TRIO: variants seen among roughly 807,000 people sequenced by gnomAD.
TRIO encodes trio Rho guanine nucleotide exchange factor.
In TRIO, 58 loss-of-function variants were observed where a neutral mutation model predicts 351.9. The observed-to-expected ratio is 0.16, with a 90% CI of 0.13 to 0.21. The LOEUF (loss-of-function observed/expected upper bound fraction) is 0.21, where lower values mean the gene tolerates loss of function less well. TRIO is among the 10% of genes least tolerant of loss of function. The pLI is 1.00. For synonymous variants in TRIO, 1,758 were observed against 1,595.7 expected (o/e 1.10, Z -2.42); for missense variants, 3,201 against 4,027.8 (o/e 0.79, Z 5.56).
At chr5:14,393,913 T>C (rs1747330371) in intron 27 of TRIO, 125 bp from the exon 28 acceptor site, 1 of 531,530 alleles carries the variant, frequency 1.9e-6, no homozygotes, top group African/African-American at 1.9e-5. Context: ...AAAAGGAAAC[T>C]TTATTATTTC....
At chr5:14,344,957 TC>T (rs1742281027) in intron 11 of TRIO, among the ~76,000 whole-genome samples, 1 of 152,142 alleles carries the variant, frequency 6.6e-6, no homozygotes, top group Non-Finnish European at 1.5e-5. Context: ...AGATCTTAGA[TC>T]CCAGCTAAAG....
chr5:14,332,210 A>G (rs962082847), intron 10 of TRIO, among the ~76,000 whole-genome samples: 1 of 152,200 alleles, frequency 6.6e-6, no homozygotes, highest in Non-Finnish European at 1.5e-5. Flanking sequence ...TCAGAGATGT[A>G]ACCTGTCACA....
At chr5:14,440,576 G>T (rs1050789945) in intron 34 of TRIO, among the ~76,000 whole-genome samples, 8 of 152,240 alleles carry the variant, frequency 5.3e-5, no homozygotes, top group Non-Finnish European at 1.2e-4. Context: ...TCGCATGCAA[G>T]AATTTACATT....
intron 36 of TRIO, 50 bp from the exon 37 acceptor site, chr5:14,465,495 C>A (rs1754184857): frequency 6.3e-7 from 1 of 1,577,482 alleles, no homozygotes; most frequent in East Asian, 2.2e-5. Flanking sequence ...TGACCAGTTA[C>A]TAATGTGAGC....
chr5:14,391,089 T>C (rs1747043785), intron 27 of TRIO, 99 bp downstream of exon 27: 1 of 859,022 alleles, frequency 1.2e-6, no homozygotes, highest in Non-Finnish European at 1.7e-6. Context: ...TACAATGTTT[T>C]CATTTTTGTC....
At chr5:14,476,809 AAAG>A in intron 40 of TRIO, 82 bp from the exon 41 acceptor site, 2 of 1,026,928 alleles carry the variant, frequency 1.9e-6, no homozygotes, top group Non-Finnish European at 2.7e-6. Flanking sequence ...AAAAAGAAAA[AAAG>A]AAAAAGAAAA....
At chr5:14,477,698 A>T (rs1755187756) in intron 41 of TRIO, among the ~76,000 whole-genome samples, 1 of 152,234 alleles carries the variant, frequency 6.6e-6, no homozygotes, top group Non-Finnish European at 1.5e-5. Flanking sequence ...GACATTAAAT[A>T]CATTGAACTA....
At chr5:14,474,886 G>A (rs1171431973) in intron 40 of TRIO, among the ~76,000 whole-genome samples, 1 of 152,140 alleles carries the variant, frequency 6.6e-6, no homozygotes, top group African/African-American at 2.4e-5. Flanking sequence ...TGTTGCCTAA[G>A]CTGGTCTTGA....
rs1200336379 is a variant in TRIO, at chr5:14,504,566, C to G, written c.8585C>G (p.Pro2862Arg). The G allele has an allele frequency of 4.3e-6, 7 of 1,614,124 alleles. No homozygotes were observed. The highest frequency in any genetic ancestry group is 5.1e-6 in the Non-Finnish European group (6 of 1,180,020). The change falls in exon 55 of 57, where the codon CCC becomes CGC. Residue 2862 changes from proline to arginine, a missense_variant. Transcript: ENST00000344204. ...LVGLLDTFET[P>R]TSYILVLEMA... ...GGCCTCCTCGACACCTTTGAGACCC[C>G]CACCAGCTACATCCTGGTCTTAGAA...
chr5:14,202,731 C>T (rs1381837616), intron 1 of TRIO, among the ~76,000 whole-genome samples: 1 of 148,824 alleles, frequency 6.7e-6, no homozygotes, highest in African/African-American at 2.5e-5. Context: ...ACGTCTGTGA[C>T]TGACCCTTTC....
chr5:14,366,732 G>A (rs1579443514), intron 15 of TRIO, 128 bp from the exon 16 acceptor site: 11 of 1,360,636 alleles, frequency 8.1e-6, no homozygotes, highest in East Asian at 2.4e-5. Context: ...TTAGGATGAT[G>A]AAGGCATCAG....
chr5:14,338,918 T>TGA (rs1741677089), intron 11 of TRIO, among the ~76,000 whole-genome samples: 1 of 152,196 alleles, frequency 6.6e-6, no homozygotes, highest in African/African-American at 2.4e-5. Context: ...CTTAGCAGTC[T>TGA]GAGGTAAGGG....
At chr5:14,421,308 A>G (rs1007436591) in intron 34 of TRIO, among the ~76,000 whole-genome samples, 7 of 145,262 alleles carry the variant, frequency 4.8e-5, no homozygotes, top group East Asian at 2.0e-4. Context: ...AAGGAAACTC[A>G]TAAGATTGTT....
At chr5:14,172,303 A>G (rs115507164) in intron 1 of TRIO, among the ~76,000 whole-genome samples, 370 of 152,368 alleles carry the variant, frequency 2.4e-3, no homozygotes, top group African/African-American at 8.8e-3. Flanking sequence ...GAAGTGCAGC[A>G]GATTTAGTAG....
chr5:14,488,627 A>C, intron 48 of TRIO: 2 of 493,874 alleles, frequency 4.0e-6, no homozygotes, highest in South Asian at 6.3e-5. Context: ...TCCTGTTTAA[A>C]TTGAAACCTG....
intron 1 of TRIO, among the ~76,000 whole-genome samples, chr5:14,164,327 C>T (rs1788641700): frequency 6.6e-6 from 1 of 152,168 alleles, no homozygotes; most frequent in Non-Finnish European, 1.5e-5. Context: ...CCTTGATGAG[C>T]ATGTCATACT....
At chr5:14,495,947 G>A (rs1756865811) in intron 49 of TRIO, among the ~76,000 whole-genome samples, 1 of 152,114 alleles carries the variant, frequency 6.6e-6, no homozygotes. Flanking sequence ...CAGCCTGGGT[G>A]ACTGAGCAAG....
Position 14,485,155 on chromosome 5 carries a change from C to T in TRIO, c.6744C>T (p.Thr2248=). 1.9e-6 allele frequency: 3 copies of T among 1,595,548 alleles called. No homozygotes were observed. Among genetic ancestry groups the T allele is most frequent in the Non-Finnish European group, 2.6e-6 (3 of 1,165,232 alleles). The change falls in exon 47 of 57, where the codon ACC becomes ACT. Residue 2248 remains threonine (T), a synonymous_variant. Transcript: ENST00000344204. ...CGAGGACGGGTGACGTGGTAGAGAC[C>T]TTCATTTTGCATTCATCTAGTCCAA... The part of the protein sequence containing the change: ...LTSRTGDVVE[T]FILHSSSPSV...
chr5:14,234,399 C>G (rs917275588), intron 1 of TRIO, among the ~76,000 whole-genome samples: 2 of 152,140 alleles, frequency 1.3e-5, no homozygotes, highest in Non-Finnish European at 2.9e-5. Flanking sequence ...GGTAGCTGCC[C>G]TGGCATTTTT....
Sources: allele counts gnomAD v4.1 joint callset (sites outside exome capture counted in the v4.1 genomes callset), GRCh38; gene constraint gnomAD v4.1.1; transcripts MANE v1.5; gene names NCBI Gene and HGNC (gene_info 2026-07-23, HGNC 2026-07-21).